Variants in UBR3 observed in about 807,000 individuals in gnomAD.
UBR3 encodes E3 ubiquitin-protein ligase UBR3.
Under a neutral mutation model 243.2 loss-of-function variants are expected in UBR3, and 85 were observed. The ratio of observed to expected loss-of-function variants is 0.35; its 90% confidence interval spans 0.29 to 0.42. The LOEUF (loss-of-function observed/expected upper bound fraction) is 0.42, where lower values mean the gene tolerates loss of function less well. Among genes scored for constraint, UBR3 ranks in the 10% least tolerant of loss-of-function variants. The pLI is 1.00. For synonymous variants in UBR3, 748 were observed against 799.8 expected, an observed-to-expected ratio of 0.94 and a Z score of 1.09; for missense variants, 1,686 against 2,300.8, an observed-to-expected ratio of 0.73 and a Z score of 5.47.
At chr2:169,926,383 T>C (rs1361076884) in intron 14 of UBR3, among the ~76,000 whole-genome samples, 2 of 151,514 alleles carry the variant, frequency 1.3e-5, no homozygotes, top group Non-Finnish European at 2.9e-5. Flanking sequence ...AGGCCAGGAG[T>C]TTGAGACCAG....
chr2:169,966,353 T>C (rs2087808787), intron 24 of UBR3, among the ~76,000 whole-genome samples: 1 of 152,192 alleles, frequency 6.6e-6, no homozygotes, highest in Non-Finnish European at 1.5e-5. Flanking sequence ...GGAATTACTT[T>C]CTGTTATTAA....
At chr2:169,987,568 A>G (rs1574345943) in intron 25 of UBR3, among the ~76,000 whole-genome samples, 1 of 151,316 alleles carries the variant, frequency 6.6e-6, no homozygotes, top group South Asian at 2.1e-4. Flanking sequence ...GTTTTAAACT[A>G]TATAATTTTA....
At chr2:170,027,296 A>G (rs1185041505) in intron 30 of UBR3, among the ~76,000 whole-genome samples, 4 of 151,236 alleles carry the variant, frequency 2.6e-5, no homozygotes, top group African/African-American at 7.3e-5. Flanking sequence ...GAAAGATGAT[A>G]TAATATCATT....
chr2:169,981,031 C>A (rs934059940), intron 24 of UBR3, among the ~76,000 whole-genome samples: 3 of 151,890 alleles, frequency 2.0e-5, no homozygotes, highest in African/African-American at 7.3e-5. Flanking sequence ...AAAGCTGGAA[C>A]AATTTGAGCA....
intron 25 of UBR3, among the ~76,000 whole-genome samples, chr2:169,992,241 A>G (rs1271097243): frequency 2.0e-5 from 3 of 152,228 alleles, no homozygotes; most frequent in African/African-American, 7.2e-5. Context: ...CATATTAATA[A>G]CAAAAAGATT....
At position 169,949,783 on chromosome 2, in the gene UBR3, G is replaced by T; in HGVS notation, c.3263G>T (p.Ser1088Ile). 1 of 1,551,716 alleles carries T rather than the reference G, an allele frequency of 6.4e-7. No homozygotes were observed. The highest frequency in any genetic ancestry group is 8.7e-7 in the Non-Finnish European group (1 of 1,146,838). ...LTTAILEIKE[S>I]ILSLLIKLHH... Reference sequence around the variant, plus strand: ...ACAGCCATTTTGGAAATTAAAGAAAGCATATTGTCTTTGCTAATTAAACTT... The same window carrying T: ...ACAGCCATTTTGGAAATTAAAGAAATCATATTGTCTTTGCTAATTAAACTT... The change falls in exon 23 of 39, where the codon AGC becomes ATC. Residue 1088 changes from serine to isoleucine, a missense_variant. By Grantham distance (142) the Ser-to-Ile change is moderately radical. This residue lies in a region of UBR3 where 300 missense variants were observed against 314.4 expected (regional missense o/e 0.95). Coordinates refer to ENST00000272793, the MANE Select transcript of UBR3 (RefSeq NM_172070.4).
intron 35 of UBR3, among the ~76,000 whole-genome samples, chr2:170,066,449 G>T (rs553208102): frequency 6.6e-6 from 1 of 152,228 alleles, no homozygotes; most frequent in East Asian, 1.9e-4. Context: ...AGTAGTTTGT[G>T]TATGTGCATT....
chr2:170,048,405 C>T (rs2091139721), intron 32 of UBR3, among the ~76,000 whole-genome samples: 1 of 152,204 alleles, frequency 6.6e-6, no homozygotes, highest in South Asian at 2.1e-4. Context: ...ATTTTTTGAA[C>T]ACGCAACCCA....
chr2:170,041,008 C>A lies in UBR3; in HGVS notation c.4660+23C>A, dbSNP rs769219835. The A allele has an allele frequency of 8.0e-5, 126 of 1,577,310 alleles. No individual in the cohort carries two copies. In the East Asian group the frequency reaches 2.6e-3, roughly 32 times the overall value. Reference sequence around the variant, plus strand: ...AAGGTATGTCTTTATAATTCAGATTCTTTGATTATATACTATGTATTTTGA... The same window carrying A: ...AAGGTATGTCTTTATAATTCAGATTATTTGATTATATACTATGTATTTTGA... On this transcript the variant is annotated intron_variant, in intron 32 of 38. Coordinates refer to ENST00000272793, the MANE Select transcript of UBR3 (RefSeq NM_172070.4).
intron 6 of UBR3, among the ~76,000 whole-genome samples, chr2:169,893,578 A>G (rs574172887): frequency 6.6e-6 from 1 of 152,292 alleles, no homozygotes; most frequent in East Asian, 1.9e-4. Context: ...TTTTCAGCAC[A>G]GGGTCTCACT....
At chr2:169,853,406 C>T (rs1171483596) in intron 1 of UBR3, among the ~76,000 whole-genome samples, 2 of 151,616 alleles carry the variant, frequency 1.3e-5, no homozygotes, top group African/African-American at 4.8e-5. Context: ...TTCTTTTCTT[C>T]CTTCTTCTTC....
chr2:170,015,417 G>T, intron 30 of UBR3, 51 bp downstream of exon 30: 1 of 1,424,066 alleles, frequency 7.0e-7, no homozygotes, highest in Non-Finnish European at 9.8e-7. Flanking sequence ...ATTTTTGGAA[G>T]CATTGACAGG....
intron 1 of UBR3, among the ~76,000 whole-genome samples, chr2:169,871,415 GA>G (rs76600459): frequency 0.013 from 1,566 of 124,972 alleles, 6 homozygotes; most frequent in South Asian, 0.029. Context: ...GTCTTTAAGG[GA>G]AAAAAAAAAA....
intron 23 of UBR3, among the ~76,000 whole-genome samples, chr2:169,958,013 T>A (rs1454398115): frequency 6.6e-6 from 1 of 152,218 alleles, no homozygotes; most frequent in Non-Finnish European, 1.5e-5. Flanking sequence ...TCTTTTAGAC[T>A]TTGTTTATAT....
chr2:169,890,918 T>G (rs2084351289), intron 5 of UBR3, among the ~76,000 whole-genome samples: 1 of 150,522 alleles, frequency 6.6e-6, no homozygotes, highest in African/African-American at 2.4e-5. Flanking sequence ...TTGGGGTACT[T>G]AAGAGTCTTC....
intron 4 of UBR3, 108 bp downstream of exon 4, chr2:169,877,745 G>A: frequency 2.7e-6 from 3 of 1,096,316 alleles, no homozygotes; most frequent in South Asian, 3.4e-5. Context: ...AACTAAAACA[G>A]TATTATTCTT....
chr2:169,945,463 C>A (rs1430831648), intron 20 of UBR3, among the ~76,000 whole-genome samples: 1 of 152,086 alleles, frequency 6.6e-6, no homozygotes, highest in Non-Finnish European at 1.5e-5. Flanking sequence ...TTCCAAGTCC[C>A]CTCAGCCATC....
intron 10 of UBR3, among the ~76,000 whole-genome samples, chr2:169,909,008 A>G (rs943074254): frequency 6.6e-6 from 1 of 151,856 alleles, no homozygotes; most frequent in Admixed American, 6.6e-5. Context: ...TATTTTTTTT[A>G]GTAGAAACGG....
intron 10 of UBR3, 66 bp from the exon 11 acceptor site, chr2:169,913,994 A>G (rs529824562): frequency 1.1e-5 from 8 of 716,060 alleles, no homozygotes; most frequent in African/African-American, 1.1e-4. Context: ...ATAATTACAT[A>G]TAATTTAATG....
Sources: gnomAD v4.1 joint callset for allele counts (sites outside exome capture counted in the v4.1 genomes callset) on GRCh38, gnomAD v4.1.1 for gene constraint, gnomAD v4.1.1 regional missense constraint, MANE v1.5 for transcripts, NCBI Gene and HGNC (gene_info 2026-07-23, HGNC 2026-07-21) for gene names.